The following MYO5B variants were observed in gnomAD, a reference collection of about 807,000 sequenced individuals.
MYO5B encodes the protein myosin VB.
A neutral mutation model predicts 229.3 loss-of-function variants in MYO5B; 143 were observed. The observed-to-expected ratio is 0.62, with a 90% CI of 0.54 to 0.72. The LOEUF is 0.72. MYO5B is among the 30% of genes least tolerant of loss of function. The pLI, the probability that MYO5B is intolerant of heterozygous loss-of-function variation, is 0.00. For missense variants in MYO5B, 2,321 were observed against 2,331.0 expected (o/e 1.00, Z 0.09); for synonymous variants, 918 against 885.2 (o/e 1.04, Z -0.66).
At position 49,954,391 on chromosome 18, in the gene MYO5B, G is replaced by C. The variant is rs200469007; in HGVS notation, c.1590C>G (p.Asp530Glu). 156 of 1,614,004 alleles carry C rather than the reference G, an allele frequency of 9.7e-5. No homozygotes were observed. The African/African-American group carries it at 1.9e-3, about 19-fold the overall frequency. The change falls in exon 13 of 40, where the codon GAC becomes GAG. Residue 530 changes from aspartate (D) to glutamate (E), a missense_variant. By Grantham distance (45) the Asp-to-Glu change is conservative (BLOSUM62 2). This residue lies in a region of MYO5B where 2,113 missense variants were observed against 2,044.7 expected (regional missense o/e 1.03). Transcript: ENST00000285039. ...TDQNWAQKLYDRHSSSQHFQK... is the reference protein window; with the variant it reads ...TDQNWAQKLYERHSSSQHFQK... ...GGAAGTGCTGGCTGCTGGAGTGCCG[G>C]TCATAGAGCTTCTGAGCCCAGTTCT...
chr18:50,016,942 A>C, intron 4 of MYO5B, among the ~76,000 whole-genome samples: 5 of 132,464 alleles, frequency 3.8e-5, no homozygotes, highest in African/African-American at 5.9e-5. Context: ...ATTTAACCCT[A>C]CCCCCTTCAC....
At chr18:50,057,049 A>T (rs980209474) in intron 1 of MYO5B, among the ~76,000 whole-genome samples, 2 of 152,232 alleles carry the variant, frequency 1.3e-5, no homozygotes, top group African/African-American at 4.8e-5. Context: ...TTAAAATAAC[A>T]AAGAGCTTTA....
chr18:50,044,357 T>TG (rs893336370), intron 2 of MYO5B, among the ~76,000 whole-genome samples: 1 of 152,234 alleles, frequency 6.6e-6, no homozygotes, highest in African/African-American at 2.4e-5. Flanking sequence ...TAAGTGTTTA[T>TG]GACTTAGTGA....
At chr18:49,975,850 C>G (rs192303512) in intron 9 of MYO5B, among the ~76,000 whole-genome samples, 19 of 152,210 alleles carry the variant, frequency 1.2e-4, no homozygotes, top group Non-Finnish European at 2.8e-4. Flanking sequence ...CCCCAGCTGC[C>G]TCTACTGACT....
chr18:49,886,373 G>A (rs568970618), intron 22 of MYO5B, among the ~76,000 whole-genome samples: 19 of 152,282 alleles, frequency 1.2e-4, no homozygotes, highest in African/African-American at 4.6e-4. Flanking sequence ...ACAAGAAGGA[G>A]GCTCTGACAA....
chr18:50,014,273 G>GGA (rs1568071164), intron 4 of MYO5B, among the ~76,000 whole-genome samples: 1 of 23,518 alleles, frequency 4.3e-5, no homozygotes, highest in African/African-American at 1.5e-4. Flanking sequence ...AAATGGATGA[G>GGA]AAAGGAAAAA....
intron 4 of MYO5B, among the ~76,000 whole-genome samples, chr18:50,013,458 A>C (rs1568070721): frequency 6.6e-6 from 1 of 152,210 alleles, no homozygotes; most frequent in Non-Finnish European, 1.5e-5. Context: ...AACGACACTT[A>C]TGTCAAGCAC....
At chr18:50,163,547 T>C (rs577735261) in intron 1 of MYO5B, among the ~76,000 whole-genome samples, 2 of 152,220 alleles carry the variant, frequency 1.3e-5, no homozygotes, top group Non-Finnish European at 2.9e-5. Context: ...TTTCTCCTCC[T>C]ATCTTATTTC....
At chr18:49,891,421 T>C (rs1434108610) in intron 22 of MYO5B, among the ~76,000 whole-genome samples, 1 of 152,092 alleles carries the variant, frequency 6.6e-6, no homozygotes, top group Non-Finnish European at 1.5e-5. Flanking sequence ...TCTTCCCCCA[T>C]CCCCACACAT....
intron 31 of MYO5B, chr18:49,849,920 C>A: frequency 2.0e-6 from 1 of 488,230 alleles, no homozygotes. Context: ...TGGCGCCTTG[C>A]TGAATCCCAA....
chr18:49,961,794 C>T (rs34900254), intron 12 of MYO5B, among the ~76,000 whole-genome samples: 25,429 of 152,180 alleles, frequency 0.17, 2,386 homozygotes, highest in Non-Finnish European at 0.22. Context: ...AGCACTCACC[C>T]CATCCCACCA....
intron 5 of MYO5B, among the ~76,000 whole-genome samples, chr18:49,993,593 G>T (rs2025955482): frequency 6.6e-6 from 1 of 152,172 alleles, no homozygotes; most frequent in Admixed American, 6.5e-5. Flanking sequence ...GGAAGCTGCT[G>T]AGCCCAGGAC....
At chr18:49,929,447 T>G (rs1568034609) in intron 17 of MYO5B, 65 bp downstream of exon 17, 7 of 1,388,622 alleles carry the variant, frequency 5.0e-6, no homozygotes, top group Non-Finnish European at 5.0e-6. Flanking sequence ...GAGGGCTCCC[T>G]GGGGAACCAA....
At chr18:50,189,441 A>G (rs1207765181) in intron 1 of MYO5B, among the ~76,000 whole-genome samples, 1 of 152,210 alleles carries the variant, frequency 6.6e-6, no homozygotes, top group Non-Finnish European at 1.5e-5. Context: ...AAGATAGGAA[A>G]CTAATGTCAT....
intron 2 of MYO5B, among the ~76,000 whole-genome samples, chr18:50,050,982 AT>A (rs1260329995): frequency 1.3e-5 from 2 of 152,222 alleles, no homozygotes; most frequent in Non-Finnish European, 2.9e-5. Context: ...CCTCTGCAAC[AT>A]GACAGAGGAG....
intron 39 of MYO5B, among the ~76,000 whole-genome samples, chr18:49,827,292 T>G (rs2023858722): frequency 6.6e-6 from 1 of 152,256 alleles, no homozygotes; most frequent in Non-Finnish European, 1.5e-5. Flanking sequence ...GCTATGGGGA[T>G]AGCAGCTCAC....
intron 26 of MYO5B, among the ~76,000 whole-genome samples, chr18:49,875,350 T>A (rs4939600): frequency 0.24 from 36,572 of 152,046 alleles, 4,538 homozygotes; most frequent in East Asian, 0.42. Flanking sequence ...CATCTCTGTG[T>A]ACATTTGACT....
At chr18:49,883,116 T>C (rs2024606143) in intron 22 of MYO5B, among the ~76,000 whole-genome samples, 1 of 152,218 alleles carries the variant, frequency 6.6e-6, no homozygotes, top group Non-Finnish European at 1.5e-5. Flanking sequence ...TCCCCTAAGA[T>C]CAGGAAGACA....
At chr18:50,148,315 T>C (rs5960048) in intron 1 of MYO5B, among the ~76,000 whole-genome samples, 52,045 of 149,190 alleles carry the variant, frequency 0.35, 9,605 homozygotes, top group Non-Finnish European at 0.43. Context: ...AAAGAGGGAA[T>C]CCTCCCTAAC....
Sources: gnomAD v4.1 joint callset for allele counts (sites outside exome capture counted in the v4.1 genomes callset) on GRCh38, gnomAD v4.1.1 for gene constraint, gnomAD v4.1.1 regional missense constraint, MANE v1.5 for transcripts, NCBI Gene and HGNC (gene_info 2026-07-23, HGNC 2026-07-21) for gene names.